The following TWIST2 variants were observed in gnomAD, a reference collection of about 807,000 sequenced individuals.
TWIST2 encodes the protein twist family bHLH transcription factor 2, also known as twist-related protein 2.
A neutral mutation model predicts 11.6 loss-of-function variants in TWIST2; 1 was observed. That is an observed-to-expected ratio of 0.09 (90% CI 0.03 to 0.41). TWIST2 has a LOEUF of 0.41. TWIST2 is among the 10% of genes least tolerant of loss of function. The probability of loss-of-function intolerance (pLI) is 0.98; values close to 1 mark genes in which losing one functional copy is unlikely to be tolerated. For synonymous variants in TWIST2, 87 were observed against 96.6 expected, an observed-to-expected ratio of 0.90 and a Z score of 0.58; for missense variants, 168 against 226.4, an observed-to-expected ratio of 0.74 and a Z score of 1.66.
chr2:238,892,367 C>G (rs900593428), intron 1 of TWIST2, among the ~76,000 whole-genome samples: 2 of 152,212 alleles, frequency 1.3e-5, no homozygotes, highest in Non-Finnish European at 2.9e-5. Context: ...GGTGCTCCGC[C>G]GATCACCAGC....
intron 1 of TWIST2, among the ~76,000 whole-genome samples, chr2:238,875,978 A>G (rs1048055651): frequency 2.0e-5 from 3 of 151,952 alleles, no homozygotes; most frequent in African/African-American, 7.2e-5. Flanking sequence ...GCCAGGGTGC[A>G]GGGAGGGTGG....
At chr2:238,869,780 C>CA (rs1025574273) in intron 1 of TWIST2, among the ~76,000 whole-genome samples, 2 of 152,092 alleles carry the variant, frequency 1.3e-5, no homozygotes, top group Non-Finnish European at 2.9e-5. Context: ...GCCATCTGTA[C>CA]AAAAATGAAA....
At chr2:238,889,773 G>A (rs779284477) in intron 1 of TWIST2, among the ~76,000 whole-genome samples, 1 of 152,202 alleles carries the variant, frequency 6.6e-6, no homozygotes, top group Non-Finnish European at 1.5e-5. Flanking sequence ...CTGATACTCA[G>A]TGCGTTCATT....
Position 238,891,035 on chromosome 2 carries a change from C to T in TWIST2, c.*36-18807C>T, listed in dbSNP as rs77588512. Among the ~76,000 whole-genome samples, 517 of 152,342 alleles carry T rather than the reference C, an allele frequency of 3.4e-3. 12 individuals are homozygous for T. In the East Asian group the frequency reaches 0.046, roughly 14 times the overall value. On this transcript the variant is annotated intron_variant, in intron 1 of 1. Coordinates refer to ENST00000612363, the MANE Select transcript of TWIST2 (RefSeq NM_001271893.4). Reference sequence around the variant, plus strand: ...TGTTCTCGGATCCCCCGAGCTTCGGCGTGGTCCAGCTCTCAGTTCTGCAGT... The same window carrying T: ...TGTTCTCGGATCCCCCGAGCTTCGGTGTGGTCCAGCTCTCAGTTCTGCAGT...
chr2:238,860,579 G>C (rs1559269359), intron 1 of TWIST2, among the ~76,000 whole-genome samples: 1 of 152,248 alleles, frequency 6.6e-6, no homozygotes, highest in Non-Finnish European at 1.5e-5. Flanking sequence ...CAAACTGAGG[G>C]ATCAGGAGAA....
At chr2:238,858,251 A>G (rs1692365338) in intron 1 of TWIST2, among the ~76,000 whole-genome samples, 1 of 152,224 alleles carries the variant, frequency 6.6e-6, no homozygotes, top group African/African-American at 2.4e-5. Flanking sequence ...ACAATGTGAA[A>G]CCATAATTAA....
intron 1 of TWIST2, among the ~76,000 whole-genome samples, chr2:238,873,946 C>T (rs1407001704): frequency 6.6e-6 from 1 of 152,110 alleles, no homozygotes; most frequent in Non-Finnish European, 1.5e-5. Context: ...GGTTGGTGGC[C>T]TGCTCTAAAC....
chr2:238,860,979 C>G (rs1692424217), intron 1 of TWIST2, among the ~76,000 whole-genome samples: 1 of 152,202 alleles, frequency 6.6e-6, no homozygotes, highest in South Asian at 2.1e-4. Context: ...TGTGATGCTG[C>G]TGTTCCCCCA....
At chr2:238,862,239 AACTC>A (rs1692448363) in intron 1 of TWIST2, among the ~76,000 whole-genome samples, 1 of 152,250 alleles carries the variant, frequency 6.6e-6, no homozygotes, top group South Asian at 2.1e-4. Flanking sequence ...GCAAAATAAT[AACTC>A]ACTAAATTAA....
At position 238,848,322 on chromosome 2, in the gene TWIST2, G is replaced by T; in HGVS notation, c.107G>T (p.Ser36Ile). The T allele has an allele frequency of 6.5e-7, 1 of 1,534,684 alleles. No individual in the cohort carries two copies. The highest frequency in any genetic ancestry group is 8.7e-7 in the Non-Finnish European group (1 of 1,146,156). Reference protein sequence around the residue: ...PKRFGRKRRYSKKSSEDGSPT... With the variant: ...PKRFGRKRRYIKKSSEDGSPT... ...CGCTTCGGCCGGAAGCGGCGCTACAGCAAGAAGTCGAGCGAAGATGGCAGC... is the reference window on the plus strand; with the variant it reads ...CGCTTCGGCCGGAAGCGGCGCTACATCAAGAAGTCGAGCGAAGATGGCAGC... Residue 36 changes from serine to isoleucine, a missense_variant, in exon 1 of 2, where the codon AGC becomes ATC. This residue lies in a region of TWIST2 where 83 missense variants were observed against 92.7 expected (regional missense o/e 0.90). Transcript: ENST00000612363.
At chr2:238,899,630 C>T (rs878990117) in intron 1 of TWIST2, among the ~76,000 whole-genome samples, 35,760 of 152,148 alleles carry the variant, frequency 0.24, 4,259 homozygotes, top group Middle Eastern at 0.25. Context: ...GTGCCCATCC[C>T]GGCATGCTCT....
In TWIST2 at chr2:238,867,413, T is replaced by G. The variant is rs139734422; in HGVS notation, c.*35+18680T>G. On this transcript the variant is annotated intron_variant, in intron 1 of 1. Transcript: ENST00000612363. The surrounding 1 kb of genome is among the most constrained non-coding windows in gnomAD (Gnocchi z 4.8). Reference sequence around the variant, plus strand: ...CACACACACACACACACACACACACTCCTCAGTAAAATACCCAGTTCTCAC... The same window carrying G: ...CACACACACACACACACACACACACGCCTCAGTAAAATACCCAGTTCTCAC... Among the ~76,000 whole-genome samples the G allele has an allele frequency of 1.7e-5, 1 of 57,946 alleles. No homozygotes were observed. The highest frequency in any genetic ancestry group is 7.8e-5 in the African/African-American group (1 of 12,746). 38.0% of individuals were successfully genotyped at this position (57,946 alleles called of 152,430 possible). A position where few individuals can be genotyped will look rare whatever the true frequency, so the allele number is the denominator to read the frequency against.
At chr2:238,905,577 C>A (rs1359997641) in intron 1 of TWIST2, among the ~76,000 whole-genome samples, 27 of 152,244 alleles carry the variant, frequency 1.8e-4, no homozygotes, top group African/African-American at 5.5e-4. Context: ...CCACCACTGG[C>A]CAGGGAACGG....
chr2:238,867,690 G>A lies in TWIST2; in HGVS notation c.*35+18957G>A, dbSNP rs1459940845. Among the ~76,000 whole-genome samples the A allele has an allele frequency of 6.6e-6, 1 of 152,218 alleles. No homozygotes were observed. The highest frequency in any genetic ancestry group is 2.4e-5 in the African/African-American group (1 of 41,456). On this transcript the variant is annotated intron_variant, in intron 1 of 1. Coordinates refer to ENST00000612363, the MANE Select transcript of TWIST2 (RefSeq NM_001271893.4). This position sits in a 1 kb window ranked among gnomAD's most constrained non-coding sequence, Gnocchi z 4.8. ...GGCACAGGCTGGATGCAAGGCAGAT[G>A]CCACATGGAACCCTTAGGTATTGAG...
At chr2:238,897,722 A>G (rs933360865) in intron 1 of TWIST2, among the ~76,000 whole-genome samples, 2 of 152,342 alleles carry the variant, frequency 1.3e-5, no homozygotes, top group Non-Finnish European at 2.9e-5. Context: ...AAGACAGTGC[A>G]CTGGGGAGAA....
intron 1 of TWIST2, among the ~76,000 whole-genome samples, chr2:238,870,899 T>C (rs1329492304): frequency 2.0e-3 from 29 of 14,306 alleles, no homozygotes; most frequent in South Asian, 2.7e-3. Flanking sequence ...ACACACCACA[T>C]CCCTCCCACA....
intron 1 of TWIST2, among the ~76,000 whole-genome samples, chr2:238,891,289 G>C (rs1045201075): frequency 6.6e-6 from 1 of 152,208 alleles, no homozygotes; most frequent in African/African-American, 2.4e-5. Context: ...CTCTCTCAGT[G>C]GACAGCAGAG....
chr2:238,904,486 CGTGT>C (rs1194400059), intron 1 of TWIST2, among the ~76,000 whole-genome samples: 1 of 149,652 alleles, frequency 6.7e-6, no homozygotes, highest in South Asian at 2.1e-4. Context: ...TGTGCGTGTT[CGTGT>C]GTGTGTGTCT....
Position 238,866,752 on chromosome 2 carries a change from C to T in TWIST2, c.*35+18019C>T, listed in dbSNP as rs939224980. ...TCCCTTGTGCCCGACAGGACTACCT[C>T]CAGTGTCCCCTCCTTGGGGAGCCTC... On this transcript the variant is annotated intron_variant, in intron 1 of 1. Transcript: ENST00000612363. This position sits in a 1 kb window ranked among gnomAD's most constrained non-coding sequence, Gnocchi z 4.9. 6.6e-6 allele frequency among the ~76,000 whole-genome samples: 1 copy of T among 152,188 alleles called. No individual in the cohort carries two copies. Among genetic ancestry groups the T allele is most frequent in the Non-Finnish European group, 1.5e-5 (1 of 68,030 alleles).
Sources: allele counts gnomAD v4.1 joint callset (sites outside exome capture counted in the v4.1 genomes callset), GRCh38; gene constraint gnomAD v4.1.1; regional missense constraint gnomAD v4.1.1; non-coding constraint Gnocchi (gnomAD v3.1); transcripts MANE v1.5; gene names NCBI Gene and HGNC (gene_info 2026-07-23, HGNC 2026-07-21).